Variants in SDK1 observed in about 807,000 individuals in gnomAD.
SDK1 encodes the protein protein sidekick-1.
A neutral mutation model predicts 245.5 loss-of-function variants in SDK1; 157 were observed. The observed-to-expected ratio is 0.64, with a 90% CI of 0.56 to 0.73. The LOEUF (loss-of-function observed/expected upper bound fraction) is 0.73. Among genes scored for constraint, SDK1 ranks in the 30% least tolerant of loss-of-function variants. SDK1 has a pLI of 0.00. For synonymous variants in SDK1, 1,647 were observed against 1,278.5 expected (o/e 1.29, Z -6.15); for missense variants, 3,583 against 3,002.3 (o/e 1.19, Z -4.52).
chr7:4,137,681 G>T (rs1299643279), intron 28 of SDK1, among the ~76,000 whole-genome samples: 1 of 152,124 alleles, frequency 6.6e-6, no homozygotes, highest in Non-Finnish European at 1.5e-5. Flanking sequence ...TTAAAAACAG[G>T]GCTCCTCGTA....
intron 1 of SDK1, among the ~76,000 whole-genome samples, chr7:3,389,895 A>G (rs73296346): frequency 6.6e-6 from 1 of 151,954 alleles, no homozygotes; most frequent in African/African-American, 2.4e-5. Context: ...TGATTAAAAA[A>G]CCCCAGGTTG....
At chr7:3,666,160 C>T (rs569106304) in intron 4 of SDK1, among the ~76,000 whole-genome samples, 1 of 152,320 alleles carries the variant, frequency 6.6e-6, no homozygotes, top group African/African-American at 2.4e-5. Flanking sequence ...GACACCCCCA[C>T]CCCACTCACC....
At chr7:3,685,745 T>A (rs2114989362) in intron 4 of SDK1, among the ~76,000 whole-genome samples, 1 of 152,294 alleles carries the variant, frequency 6.6e-6, no homozygotes, top group East Asian at 1.9e-4. Context: ...GATACCCATA[T>A]AACCACTAAG....
intron 1 of SDK1, among the ~76,000 whole-genome samples, chr7:3,526,587 C>G (rs1412949446): frequency 6.6e-6 from 1 of 152,046 alleles, no homozygotes. Context: ...TGTTTTTTCT[C>G]CATCACTTTG....
Position 4,056,265 on chromosome 7 carries a change from A to G in SDK1, c.2911+4435A>G, listed in dbSNP as rs1222798085. Among the ~76,000 whole-genome samples the G allele has an allele frequency of 2.6e-5, 4 of 152,020 alleles. No homozygotes were observed. In the East Asian group the frequency reaches 7.7e-4, roughly 29 times the overall value. ...CTTTGTAAATGTCAAATATCACATT[A>G]AAAGACTGAAGGTAGGGTTGAAGTC... is the stretch of plus-strand genomic sequence containing the variant. On this transcript the variant is annotated intron_variant, in intron 19 of 44. Coordinates refer to ENST00000404826, the MANE Select transcript of SDK1 (RefSeq NM_152744.4).
Position 4,196,192 on chromosome 7 carries a change from C to T in SDK1, c.5099-9687C>T, listed in dbSNP as rs10260571. Among the ~76,000 whole-genome samples, 96 of 152,202 alleles carry T rather than the reference C, an allele frequency of 6.3e-4. 1 individual carries two copies. Among genetic ancestry groups the T allele is most frequent in the Non-Finnish European group, 1.2e-3 (83 of 67,998 alleles). ...CTCAAGGCCTCGGCTTGCTTGGTCCCCTGGTCACTGCAACTGGTGGATTCC... is the reference window on the plus strand; with the variant it reads ...CTCAAGGCCTCGGCTTGCTTGGTCCTCTGGTCACTGCAACTGGTGGATTCC... On this transcript the variant is annotated intron_variant, in intron 35 of 44. Transcript: ENST00000404826.
intron 1 of SDK1, among the ~76,000 whole-genome samples, chr7:3,354,039 C>A (rs1271775161): frequency 6.6e-6 from 1 of 150,898 alleles, no homozygotes; most frequent in Non-Finnish European, 1.5e-5. Context: ...GTTGCCCAGG[C>A]TGGAGTGCAG....
intron 35 of SDK1, among the ~76,000 whole-genome samples, chr7:4,202,182 G>A (rs990173197): frequency 3.3e-5 from 5 of 152,206 alleles, no homozygotes; most frequent in African/African-American, 4.8e-5. Context: ...ATTGTGATGC[G>A]TGTCTCTCTC....
At chr7:4,265,027 C>G in intron 44 of SDK1, 97 bp from the exon 45 acceptor site, 2 of 1,517,266 alleles carry the variant, frequency 1.3e-6, no homozygotes, top group South Asian at 2.5e-5. Flanking sequence ...CGACACACGC[C>G]CCTGGGGAGG....
intron 25 of SDK1, among the ~76,000 whole-genome samples, chr7:4,125,842 TTAAG>T (rs558237303): frequency 9.3e-4 from 141 of 152,254 alleles, no homozygotes; most frequent in African/African-American, 3.2e-3. Context: ...GAGAAGACTC[TTAAG>T]TAAGGAAGGT....
intron 4 of SDK1, among the ~76,000 whole-genome samples, chr7:3,691,255 T>G (rs570664434): frequency 6.6e-6 from 1 of 152,364 alleles, no homozygotes; most frequent in Non-Finnish European, 1.5e-5. Context: ...TAAGTTGTTA[T>G]GATTACCACA....
At chr7:3,374,214 C>G (rs902998437) in intron 1 of SDK1, among the ~76,000 whole-genome samples, 6 of 152,064 alleles carry the variant, frequency 3.9e-5, no homozygotes, top group Admixed American at 3.9e-4. Context: ...CCCACTGTTG[C>G]CTAAAGTGGC....
chr7:4,044,243 C>T (rs948165491), intron 17 of SDK1, among the ~76,000 whole-genome samples: 3 of 152,210 alleles, frequency 2.0e-5, no homozygotes, highest in African/African-American at 7.2e-5. Context: ...TGGGCAGCTG[C>T]CCCTGGCCTC....
At chr7:3,706,908 C>G (rs1268079338) in intron 4 of SDK1, among the ~76,000 whole-genome samples, 1 of 152,126 alleles carries the variant, frequency 6.6e-6, no homozygotes, top group Non-Finnish European at 1.5e-5. Context: ...GTTGTAATGT[C>G]TCTAGTTTTA....
chr7:3,513,874 A>G lies in SDK1; in HGVS notation c.299-105206A>G, dbSNP rs1220418277. Among the ~76,000 whole-genome samples the G allele has an allele frequency of 2.6e-5, 4 of 151,994 alleles. No individual in the cohort carries two copies. The East Asian group carries it at 7.7e-4, about 29-fold the overall frequency. ...ATCTAGCTCTCATTTATACGTAAGG[A>G]TATGTGGTATTTGTTTTTCTGTTCT... On this transcript the variant is annotated intron_variant, in intron 1 of 44. Transcript: ENST00000404826.
intron 1 of SDK1, among the ~76,000 whole-genome samples, chr7:3,556,081 A>G (rs192840266): frequency 1.3e-5 from 2 of 152,338 alleles, no homozygotes; most frequent in Non-Finnish European, 2.9e-5. Context: ...TATGCCAAAG[A>G]AAGGAATCAG....
intron 35 of SDK1, among the ~76,000 whole-genome samples, chr7:4,191,071 T>G (rs1289854902): frequency 6.6e-6 from 1 of 152,222 alleles, no homozygotes; most frequent in African/African-American, 2.4e-5. Flanking sequence ...GTTTCCACCC[T>G]TCAGGGGATC....
intron 17 of SDK1, among the ~76,000 whole-genome samples, chr7:4,033,765 A>G (rs1788013883): frequency 6.6e-6 from 1 of 152,196 alleles, no homozygotes. Flanking sequence ...ACAGAGAACA[A>G]TGTGATAAAA....
intron 1 of SDK1, among the ~76,000 whole-genome samples, chr7:3,465,108 C>G (rs753982936): frequency 2.0e-5 from 3 of 152,050 alleles, no homozygotes; most frequent in Non-Finnish European, 4.4e-5. Context: ...GTGAGATTAC[C>G]GTTAGGGAGC....
Sources: allele counts gnomAD v4.1 joint callset (sites outside exome capture counted in the v4.1 genomes callset), GRCh38; gene constraint gnomAD v4.1.1; transcripts MANE v1.5; gene names NCBI Gene and HGNC (gene_info 2026-07-23, HGNC 2026-07-21).